Variants in LINGO2 observed in about 807,000 individuals in gnomAD.
LINGO2 encodes leucine-rich repeat and immunoglobulin-like domain-containing nogo receptor-interacting protein 2.
LINGO2 carries 14 observed loss-of-function variants against 30.6 expected under a neutral mutation model. That is an observed-to-expected ratio of 0.46 (90% CI 0.30 to 0.72). The LOEUF is 0.72. Ranked by LOEUF, LINGO2 falls within the 30% of genes least tolerant of loss-of-function variation. The pLI, the probability that LINGO2 is intolerant of heterozygous loss-of-function variation, is 0.07. For synonymous variants in LINGO2, 317 were observed against 288.5 expected, an observed-to-expected ratio of 1.10 and a Z score of -1.00; for missense variants, 729 against 751.7, an observed-to-expected ratio of 0.97 and a Z score of 0.35.
chr9:28,734,405 C>A, the LINGO2 span, among the ~76,000 whole-genome samples: 7 of 152,214 alleles, frequency 4.6e-5, no homozygotes, highest in South Asian at 1.5e-3. Context: ...CTGGAACATT[C>A]CTTTCAACAT....
intron 2 of LINGO2, among the ~76,000 whole-genome samples, chr9:28,454,036 C>T (rs1399204109): frequency 6.6e-6 from 1 of 151,932 alleles, no homozygotes; most frequent in Non-Finnish European, 1.5e-5. Flanking sequence ...TGGAAGTAGG[C>T]TTTTAATGAG....
At chr9:29,051,100 T>C in the LINGO2 span, among the ~76,000 whole-genome samples, 69 of 152,306 alleles carry the variant, frequency 4.5e-4, no homozygotes, top group South Asian at 1.7e-3. Flanking sequence ...TAGTCTCCCC[T>C]ATTATCAACA....
At chr9:28,369,917 C>T (rs1054981458) in intron 3 of LINGO2, among the ~76,000 whole-genome samples, 2 of 152,024 alleles carry the variant, frequency 1.3e-5, no homozygotes, top group African/African-American at 2.4e-5. Flanking sequence ...CTTTGACTGA[C>T]ATTCTGCATA....
chr9:28,397,479 AT>A (rs1464577889), intron 2 of LINGO2, among the ~76,000 whole-genome samples: 1 of 147,612 alleles, frequency 6.8e-6, no homozygotes, highest in Non-Finnish European at 1.5e-5. Flanking sequence ...TAACAGCCAC[AT>A]TTTGGATTTT....
chr9:28,671,646 G>A (rs1358847718), upstream of LINGO2, among the ~76,000 whole-genome samples: 1 of 151,940 alleles, frequency 6.6e-6, no homozygotes, highest in African/African-American at 2.4e-5. Flanking sequence ...GTGGAGGGTG[G>A]GAGGAGGGAA....
the LINGO2 span, among the ~76,000 whole-genome samples, chr9:28,848,083 CACTATA>C: frequency 1.7e-5 from 1 of 60,020 alleles, no homozygotes; most frequent in Non-Finnish European, 3.0e-5. Flanking sequence ...TATATATACA[CACTATA>C]TATACGCATA....
chr9:28,514,698 A>G (rs1270983138), intron 1 of LINGO2, among the ~76,000 whole-genome samples: 4 of 152,246 alleles, frequency 2.6e-5, no homozygotes, highest in African/African-American at 7.2e-5. Flanking sequence ...GTAAAAGTGC[A>G]AGCGGAAACA....
At chr9:29,126,108 T>C in the LINGO2 span, among the ~76,000 whole-genome samples, 1 of 152,246 alleles carries the variant, frequency 6.6e-6, no homozygotes, top group Non-Finnish European at 1.5e-5. Flanking sequence ...TCCCTCCCCT[T>C]CTCATCCCAT....
the LINGO2 span, among the ~76,000 whole-genome samples, chr9:28,928,476 T>G: frequency 6.6e-6 from 1 of 151,118 alleles, no homozygotes; most frequent in Non-Finnish European, 1.5e-5. Context: ...CTTATATGTG[T>G]TTTTTTTTAA....
intron 1 of LINGO2, among the ~76,000 whole-genome samples, chr9:28,574,301 A>C (rs906066111): frequency 2.6e-5 from 4 of 152,202 alleles, no homozygotes; most frequent in African/African-American, 9.6e-5. Flanking sequence ...TTTGGATCTG[A>C]AAACAGGTAA....
intron 4 of LINGO2, among the ~76,000 whole-genome samples, chr9:28,241,913 A>G (rs1424595168): frequency 6.6e-6 from 1 of 152,114 alleles, no homozygotes; most frequent in Non-Finnish European, 1.5e-5. Flanking sequence ...AACAAACAGA[A>G]AGCCAACATA....
intron 1 of LINGO2, among the ~76,000 whole-genome samples, chr9:28,659,266 T>C (rs903537301): frequency 1.3e-5 from 2 of 151,968 alleles, no homozygotes; most frequent in African/African-American, 4.8e-5. Flanking sequence ...AGGAAAGATA[T>C]TAATATGAAG....
intron 3 of LINGO2, among the ~76,000 whole-genome samples, chr9:28,306,161 G>A (rs186314560): frequency 1.2e-4 from 19 of 152,172 alleles, no homozygotes; most frequent in African/African-American, 2.9e-4. Flanking sequence ...TTACTTCCCC[G>A]TTCACACTAC....
chr9:28,772,791 T>C, the LINGO2 span, among the ~76,000 whole-genome samples: 2 of 152,090 alleles, frequency 1.3e-5, no homozygotes, highest in East Asian at 1.9e-4. Flanking sequence ...TAGAGATAAA[T>C]ACAAATAGTG....
chr9:28,251,661 T>G (rs1412971805), intron 4 of LINGO2, among the ~76,000 whole-genome samples: 1 of 152,220 alleles, frequency 6.6e-6, no homozygotes, highest in African/African-American at 2.4e-5. Context: ...CTTTCTCTTC[T>G]GTCTTTGTGG....
chr9:28,962,966 G>C, the LINGO2 span, among the ~76,000 whole-genome samples: 1 of 151,780 alleles, frequency 6.6e-6, no homozygotes, highest in East Asian at 1.9e-4. Flanking sequence ...ACTTATCCTT[G>C]AAGGTTTACT....
intron 2 of LINGO2, 132 bp downstream of exon 4, chr9:28,475,808 C>T (rs568618695): frequency 6.6e-6 from 1 of 152,442 alleles, no homozygotes; most frequent in Non-Finnish European, 1.5e-5. Flanking sequence ...TAAAGTCTTC[C>T]AAGTCATGAA....
At chr9:28,273,687 G>A (rs978626648) in intron 4 of LINGO2, among the ~76,000 whole-genome samples, 2 of 152,026 alleles carry the variant, frequency 1.3e-5, no homozygotes, top group Non-Finnish European at 2.9e-5. Flanking sequence ...TTACGACTTT[G>A]GGCAACTAAT....
chr9:28,217,896 T>C (rs547001797), intron 4 of LINGO2, among the ~76,000 whole-genome samples: 1 of 152,054 alleles, frequency 6.6e-6, no homozygotes, highest in East Asian at 1.9e-4. Context: ...ATAAGGTACC[T>C]AGGTTTGAAA....
Sources: allele counts gnomAD v4.1 joint callset (sites outside exome capture counted in the v4.1 genomes callset), GRCh38; gene constraint gnomAD v4.1.1; transcripts MANE v1.5; gene names NCBI Gene and HGNC (gene_info 2026-07-23, HGNC 2026-07-21).